Variants in ENDOU observed in about 807,000 individuals in gnomAD.
ENDOU encodes endonuclease, poly(U) specific.
In ENDOU, 49 loss-of-function variants were observed where a neutral mutation model predicts 54.2. The ratio of observed to expected loss-of-function variants is 0.90; its 90% CI spans 0.72 to 1.15. ENDOU has a LOEUF of 1.15. ENDOU is among the 50% of genes most tolerant of loss of function. The probability of loss-of-function intolerance (pLI) is 0.00; values close to 1 mark genes in which losing one functional copy is unlikely to be tolerated. For synonymous variants in ENDOU, 172 were observed against 190.5 expected (o/e 0.90, Z 0.80); for missense variants, 458 against 511.4 (o/e 0.90, Z 1.01).
intron 1 of ENDOU, among the ~76,000 whole-genome samples, chr12:47,722,232 C>T (rs1940454980): frequency 6.6e-6 from 1 of 152,194 alleles, no homozygotes; most frequent in East Asian, 1.9e-4. Flanking sequence ...GTTTGGTTAC[C>T]AGTCCCTAGT....
chr12:47,712,417 C>A, intron 8 of ENDOU, 99 bp downstream of exon 8: 2 of 885,006 alleles, frequency 2.3e-6, no homozygotes, highest in South Asian at 1.6e-5. Flanking sequence ...TGGGGCTGCC[C>A]CCTGAGAGTC....
intron 8 of ENDOU, among the ~76,000 whole-genome samples, chr12:47,712,205 A>G (rs1371964217): frequency 6.6e-6 from 1 of 152,218 alleles, no homozygotes; most frequent in East Asian, 1.9e-4. Context: ...CGTTCTAAGG[A>G]AACTGAGGCA....
chr12:47,717,380 C>G, intron 4 of ENDOU, 138 bp downstream of exon 4: 4 of 970,564 alleles, frequency 4.1e-6, no homozygotes, highest in South Asian at 3.2e-5. Context: ...TAAGTAGGCC[C>G]GGAGTGAAGC....
chr12:47,723,359 C>G (rs1940493676), intron 1 of ENDOU, among the ~76,000 whole-genome samples: 1 of 152,126 alleles, frequency 6.6e-6, no homozygotes, highest in Non-Finnish European at 1.5e-5. Context: ...ATTCTGGGGA[C>G]ACTCTGATGA....
In ENDOU at chr12:47,720,881, G is replaced by A. The variant is rs763569563; in HGVS notation, c.56-6C>T. ...TGCACAGGATTCTATTTTTCCTATG[G>A]GCAGTAAAGGTCACCAACTCAGCTC... On this transcript the variant is annotated splice_region_variant and splice_polypyrimidine_tract_variant and intron_variant, in intron 1 of 9. Transcript: ENST00000422538. The A allele has an allele frequency of 4.0e-5, 62 of 1,535,872 alleles. No homozygotes were observed. The highest frequency in any genetic ancestry group is 3.3e-4 in the Middle Eastern group (2 of 6,012).
intron 5 of ENDOU, 47 bp downstream of exon 5, chr12:47,716,843 A>AT: frequency 6.3e-7 from 1 of 1,597,698 alleles, no homozygotes; most frequent in Non-Finnish European, 8.6e-7. Context: ...AGAAGCAAGG[A>AT]TAGGGGCAAG....
At chr12:47,712,417 C>G (rs1013268728) in intron 8 of ENDOU, 99 bp downstream of exon 8, 4 of 885,006 alleles carry the variant, frequency 4.5e-6, no homozygotes, top group Non-Finnish European at 7.2e-6. Context: ...TGGGGCTGCC[C>G]CCTGAGAGTC....
chr12:47,710,924 G>A lies in ENDOU; in HGVS notation c.1116-5C>T. 2 of 1,599,102 alleles carry A rather than the reference G, an allele frequency of 1.3e-6. No individual in the cohort carries two copies. The highest frequency in any genetic ancestry group is 1.7e-6 in the Non-Finnish European group (2 of 1,167,246). Reference sequence around the variant, plus strand: ...CCTCCCAGGCTTAACTGGCACCTGTGGGGAAAGAGCCTGAAATCAGAGGAG... The same window carrying A: ...CCTCCCAGGCTTAACTGGCACCTGTAGGGAAAGAGCCTGAAATCAGAGGAG... On this transcript the variant is annotated splice_polypyrimidine_tract_variant and splice_region_variant and intron_variant, in intron 9 of 9. Transcript: ENST00000422538.
intron 2 of ENDOU, chr12:47,720,313 G>A (rs149234514): frequency 1.6e-3 from 251 of 156,022 alleles, no homozygotes; most frequent in Admixed American, 2.4e-3. Flanking sequence ...AGGAAGAGTG[G>A]TATGAATCGT....
In ENDOU at chr12:47,710,757, C is replaced by T; in HGVS notation, c.*45G>A. ...CTCTAGTCCAGAGAAGATAGCACTT[C>T]AGTCTCGCAAGAGCCCTCATGCCCC... is the stretch of plus-strand genomic sequence containing the variant. On this transcript the variant is annotated 3_prime_UTR_variant, in exon 10 of 10. Coordinates refer to ENST00000422538, the MANE Select transcript of ENDOU (RefSeq NM_001172439.2). 7.8e-7 allele frequency: 1 copy of T among 1,281,062 alleles called. No individual in the cohort carries two copies. Among genetic ancestry groups the T allele is most frequent in the Non-Finnish European group, 1.1e-6 (1 of 875,898 alleles). 79.4% of individuals were successfully genotyped at this position (1,281,062 alleles called of 1,614,324 possible).
Position 47,712,444 on chromosome 12 carries a change from C to A in ENDOU, c.972+72G>T, listed in dbSNP as rs1040436819. ...CTGAGAGTCAGGCTGAGAGGCAAGT[C>A]GACAGTTTGGAACACAGAGTGAGAG... On this transcript the variant is annotated intron_variant, in intron 8 of 9. Coordinates refer to ENST00000422538, the MANE Select transcript of ENDOU (RefSeq NM_001172439.2). 8 of 1,203,920 alleles carry A rather than the reference C, an allele frequency of 6.6e-6. No individual in the cohort carries two copies. The Admixed American group carries it at 1.1e-4, about 17-fold the overall frequency. 74.6% of individuals were successfully genotyped at this position (1,203,920 alleles called of 1,614,324 possible).
At chr12:47,713,750 G>GT (rs1049367030) in intron 6 of ENDOU, among the ~76,000 whole-genome samples, 3 of 146,412 alleles carry the variant, frequency 2.0e-5, no homozygotes, top group African/African-American at 5.1e-5. Context: ...CGGGGGGGGG[G>GT]GGTCTTCTAG....
chr12:47,716,933 A>T lies in ENDOU; in HGVS notation c.508T>A (p.Ser170Thr). 6.2e-7 allele frequency: 1 copy of T among 1,614,142 alleles called. No homozygotes were observed. The highest frequency in any genetic ancestry group is 1.1e-5 in the South Asian group (1 of 91,080). The change falls in exon 5 of 10, where the codon TCC (serine) becomes ACC (threonine). Residue 170 changes from serine to threonine, a missense_variant. Ser to Thr is a moderately conservative substitution (Grantham distance 58, BLOSUM62 1). Transcript: ENST00000422538. ...ACTTGGTTTCTGGTCTCTGACGGGG[A>T]GATGCAGTTTTGGCTATTGAGAACG... ...DIVLNSQNCISPSETRNQVDR... is the reference protein window; with the variant it reads ...DIVLNSQNCITPSETRNQVDR...
rs575037760 is a variant in ENDOU at position 47,715,852 on chromosome 12, G to A, written c.751+448C>T. 1.1e-3 allele frequency among the ~76,000 whole-genome samples: 161 copies of A among 152,266 alleles called. 1 individual carries two copies. The highest frequency in any genetic ancestry group is 3.2e-3 in the African/African-American group (132 of 41,544). On this transcript the variant is annotated intron_variant, in intron 6 of 9. Coordinates refer to ENST00000422538, the MANE Select transcript of ENDOU (RefSeq NM_001172439.2). ...ATGTTGTTTCCCCAGCCAAAAGGTG[G>A]ACTCAGCCAACCCGATTCCTGGACT...
At chr12:47,717,492 CT>C in intron 4 of ENDOU, 25 bp downstream of exon 4, 1 of 1,610,968 alleles carries the variant, frequency 6.2e-7, no homozygotes, top group Non-Finnish European at 8.5e-7. Flanking sequence ...GTCTCTGCAG[CT>C]TAGCTAAGGG....
At chr12:47,715,913 AC>A (rs1202615523) in intron 6 of ENDOU, among the ~76,000 whole-genome samples, 2 of 151,906 alleles carry the variant, frequency 1.3e-5, no homozygotes, top group Non-Finnish European at 2.9e-5. Flanking sequence ...CAGCGACTCT[AC>A]CTGTCTGAAA....
At position 47,718,175 on chromosome 12, in the gene ENDOU, C is replaced by T; in HGVS notation, c.198G>A (p.Glu66=). ...HLCTEDHKES[E]PLPQLEEETE... ...TCTCTTCCTCCAGCTGTGGCAATGG[C>T]TCTGACTCTTTGTGGTCCTCTGCAG... is the stretch of plus-strand genomic sequence containing the variant. The change falls in exon 3 of 10, where the codon GAG becomes GAA. Residue 66 remains glutamate, a synonymous_variant. Coordinates refer to ENST00000422538, the MANE Select transcript of ENDOU (RefSeq NM_001172439.2). 1 of 1,583,204 alleles carries T rather than the reference C, an allele frequency of 6.3e-7. No individual in the cohort carries two copies. The highest frequency in any genetic ancestry group is 8.6e-7 in the Non-Finnish European group (1 of 1,162,894).
In ENDOU at chr12:47,717,574, C is replaced by G. The variant is rs1230441904; in HGVS notation, c.326G>C (p.Arg109Pro). The G allele has an allele frequency of 8.7e-6, 14 of 1,614,142 alleles. No individual in the cohort carries two copies. The highest frequency in any genetic ancestry group is 1.2e-5 in the Non-Finnish European group (14 of 1,180,022). The change falls in exon 4 of 10, where the codon CGC becomes CCC. Residue 109 changes from arginine (R) to proline (P), a missense_variant. Physicochemically the swap from Arg to Pro is moderately radical, Grantham distance 103. Coordinates refer to ENST00000422538, the MANE Select transcript of ENDOU (RefSeq NM_001172439.2). ...DKHHQCHCNA[R>P]CQEFGNCCKD... ...GCAGCAGTTCCCAAACTCTTGGCAG[C>G]GGGCATTGCAGTGACATTGGTGGTG...
intron 4 of ENDOU, among the ~76,000 whole-genome samples, 186 bp from the exon 5 acceptor site, chr12:47,717,244 G>A (rs1007260124): frequency 6.6e-6 from 1 of 152,160 alleles, no homozygotes; most frequent in Non-Finnish European, 1.5e-5. Flanking sequence ...ATCACCACAC[G>A]GCATTGCCCA....
Sources: allele counts gnomAD v4.1 joint callset (sites outside exome capture counted in the v4.1 genomes callset), GRCh38; gene constraint gnomAD v4.1.1; transcripts MANE v1.5; gene names NCBI Gene and HGNC (gene_info 2026-07-23, HGNC 2026-07-21).